FAM227B: variants seen among roughly 807,000 people sequenced by gnomAD.
The protein encoded by FAM227B is family with sequence similarity 227 member B, also known as protein FAM227B.
FAM227B carries 88 observed loss-of-function variants against 73.8 expected under a neutral mutation model. The observed-to-expected ratio is 1.19, with a 90% CI of 1.00 to 1.42. The LOEUF (loss-of-function observed/expected upper bound fraction) is 1.42, where lower values mean the gene tolerates loss of function less well. Among genes scored for constraint, FAM227B ranks in the 40% most tolerant of loss-of-function variants. The pLI, the probability that FAM227B is intolerant of heterozygous loss-of-function variation, is 0.00. For synonymous variants in FAM227B, 210 were observed against 190.5 expected (o/e 1.10, Z -0.84); for missense variants, 632 against 590.9 (o/e 1.07, Z -0.72).
intron 5 of FAM227B, among the ~76,000 whole-genome samples, chr15:49,585,881 TACAA>T (rs1189578706): frequency 2.0e-5 from 3 of 152,066 alleles, no homozygotes; most frequent in Admixed American, 6.6e-5. Context: ...TCAGAGATGA[TACAA>T]ACAAATGGAA....
At chr15:49,374,922 T>A (rs540199775) in intron 11 of FAM227B, among the ~76,000 whole-genome samples, 52 of 152,334 alleles carry the variant, frequency 3.4e-4, no homozygotes, top group South Asian at 1.4e-3. Context: ...TTTATATGCA[T>A]ACTTCCAAGT....
intron 5 of FAM227B, among the ~76,000 whole-genome samples, chr15:49,581,190 T>A (rs1171623378): frequency 2.0e-5 from 3 of 152,018 alleles, no homozygotes; most frequent in Non-Finnish European, 4.4e-5. Flanking sequence ...TTCTCCAAGG[T>A]TGACACGAAA....
intron 10 of FAM227B, among the ~76,000 whole-genome samples, chr15:49,531,820 C>T (rs2060630185): frequency 6.6e-6 from 1 of 151,796 alleles, no homozygotes; most frequent in South Asian, 2.1e-4. Context: ...ATTTACATTT[C>T]AGCACTTATT....
Position 49,422,149 on chromosome 15 carries a change from T to C in FAM227B, c.1013-50750A>G, listed in dbSNP as rs374706041. ...GAGAGAGAGAGAGAGAGAGAGAGTG[T>C]GTGTGTGTGTGTGTGCGCGCGCGCG... On this transcript the variant is annotated intron_variant, in intron 11 of 15. Transcript: ENST00000299338. 4.6e-5 allele frequency among the ~76,000 whole-genome samples: 4 copies of C among 86,748 alleles called. No homozygotes were observed. The East Asian group carries it at 1.3e-3, about 29-fold the overall frequency. 56.9% of individuals were successfully genotyped at this position (86,748 alleles called of 152,430 possible).
At chr15:49,565,432 T>C (rs1005260239) in intron 9 of FAM227B, among the ~76,000 whole-genome samples, 13 of 149,870 alleles carry the variant, frequency 8.7e-5, no homozygotes, top group African/African-American at 3.0e-4. Context: ...GGACTACCAG[T>C]ATCCTGTTAG....
At chr15:49,413,326 A>T (rs1305609541) in intron 11 of FAM227B, among the ~76,000 whole-genome samples, 1 of 151,796 alleles carries the variant, frequency 6.6e-6, no homozygotes, top group Admixed American at 6.6e-5. Context: ...CTCTCTCTTT[A>T]CCTGCTACCA....
rs568797019 is a variant in FAM227B at position 49,489,115 on chromosome 15, G to A, written c.1012+19096C>T. On this transcript the variant is annotated intron_variant, in intron 11 of 15. Transcript: ENST00000299338. The stretch of plus-strand genomic sequence containing the variant: ...ATATATATAGCCTAGTTTCAAAAGC[G>A]ATGTTACCTCTGCCTACACTCATGA... 2.6e-5 allele frequency: 7 copies of A among 266,312 alleles called. No homozygotes were observed. In the Admixed American group the frequency reaches 3.3e-4, roughly 12 times the overall value. 16.5% of individuals were successfully genotyped at this position (266,312 alleles called of 1,614,324 possible).
intron 11 of FAM227B, among the ~76,000 whole-genome samples, chr15:49,401,601 C>T (rs2048155209): frequency 7.6e-6 from 1 of 130,954 alleles, no homozygotes. Flanking sequence ...GGAACCAAGC[C>T]AAATGTCCAA....
rs773063173 is a variant in FAM227B at position 49,328,636 on chromosome 15, G to A, written c.1459C>T (p.Leu487=). The A allele has an allele frequency of 6.3e-6, 10 of 1,579,318 alleles. No individual in the cohort carries two copies. The highest frequency in any genetic ancestry group is 5.7e-5 in the South Asian group (5 of 87,754). ...AEIERECVAS[L]SSSSSSSPSS... is the part of the protein sequence containing the mutation. ...GGTGATGATGATGATGATGACGATA[G>A]TGATGCCACACATTCTCTCTCAATT... Residue 487 remains leucine, a synonymous_variant, in exon 16 of 16, where the codon CTA becomes TTA. Coordinates refer to ENST00000299338, the MANE Select transcript of FAM227B (RefSeq NM_152647.3).
At chr15:49,488,901 T>C (rs1379236587) in intron 11 of FAM227B, 1 of 151,920 alleles carries the variant, frequency 6.6e-6, no homozygotes, top group African/African-American at 2.4e-5. Flanking sequence ...TCTATCTCAA[T>C]ATTCAACTCA....
chr15:49,508,962 C>G (rs1350230351), intron 10 of FAM227B, among the ~76,000 whole-genome samples: 1 of 152,162 alleles, frequency 6.6e-6, no homozygotes, highest in Non-Finnish European at 1.5e-5. Context: ...CCACAGGGGG[C>G]CACATGGGCA....
intron 11 of FAM227B, among the ~76,000 whole-genome samples, chr15:49,479,862 C>G (rs1053851838): frequency 1.1e-4 from 17 of 152,270 alleles, no homozygotes; most frequent in South Asian, 6.2e-4. Flanking sequence ...GATCCACCCG[C>G]GTTGGCCTCC....
At chr15:49,495,759 C>T (rs928290352) in intron 11 of FAM227B, among the ~76,000 whole-genome samples, 11 of 151,990 alleles carry the variant, frequency 7.2e-5, no homozygotes, top group African/African-American at 1.9e-4. Context: ...CATGGTGGCT[C>T]GTGCTTTAAT....
At chr15:49,489,874 A>ATATTT (rs2056892306) in intron 11 of FAM227B, among the ~76,000 whole-genome samples, 1 of 16,898 alleles carries the variant, frequency 5.9e-5, no homozygotes, top group South Asian at 2.1e-3. Flanking sequence ...ATATATATAT[A>ATATTT]TATATATATA....
intron 3 of FAM227B, among the ~76,000 whole-genome samples, 186 bp from the exon 4 acceptor site, chr15:49,590,193 C>G (rs1262893453): frequency 2.0e-5 from 3 of 152,092 alleles, no homozygotes; most frequent in Non-Finnish European, 4.4e-5. Context: ...AACTATTTTC[C>G]TGAATCATTT....
Position 49,612,398 on chromosome 15 carries a change from A to G in FAM227B, c.52-1130T>C, listed in dbSNP as rs549720162. 8.5e-5 allele frequency among the ~76,000 whole-genome samples: 13 copies of G among 152,274 alleles called. No individual in the cohort carries two copies. The East Asian group carries it at 2.3e-3, about 27-fold the overall frequency. ...AGAATGATGGTTTCTACCTTCATCC[A>G]TGTCCCTACAAAGGACATGAACTCA... On this transcript the variant is annotated intron_variant, in intron 2 of 15. Coordinates refer to ENST00000299338, the MANE Select transcript of FAM227B (RefSeq NM_152647.3).
At chr15:49,521,119 A>C (rs2152167661) in intron 10 of FAM227B, among the ~76,000 whole-genome samples, 1 of 152,258 alleles carries the variant, frequency 6.6e-6, no homozygotes, top group Admixed American at 6.5e-5. Context: ...TGGGTGCCAT[A>C]CTGCTTGTAC....
intron 11 of FAM227B, among the ~76,000 whole-genome samples, chr15:49,470,845 G>A (rs1000176067): frequency 1.3e-5 from 2 of 152,180 alleles, no homozygotes; most frequent in African/African-American, 4.8e-5. Flanking sequence ...AGTGACAAGG[G>A]TGTCATCTAG....
intron 12 of FAM227B, among the ~76,000 whole-genome samples, chr15:49,370,933 A>G (rs2045762114): frequency 1.3e-5 from 2 of 152,222 alleles, no homozygotes; most frequent in Non-Finnish European, 1.5e-5. Context: ...GGACAGGTCA[A>G]CTATTGTTGA....
Sources: allele counts gnomAD v4.1 joint callset (sites outside exome capture counted in the v4.1 genomes callset), GRCh38; gene constraint gnomAD v4.1.1; transcripts MANE v1.5; gene names NCBI Gene and HGNC (gene_info 2026-07-23, HGNC 2026-07-21).